STT3B: variants seen among roughly 807,000 people sequenced by gnomAD.
The protein encoded by STT3B is STT3 oligosaccharyltransferase complex catalytic subunit B.
STT3B carries 29 observed loss-of-function variants against 96.8 expected under a neutral mutation model. That is an observed-to-expected ratio of 0.30 (90% CI 0.22 to 0.41). STT3B has a LOEUF of 0.41. Among genes scored for constraint, STT3B ranks in the 10% least tolerant of loss-of-function variants. The pLI is 1.00. For missense variants in STT3B, 640 were observed against 1,022.3 expected (o/e 0.63, Z 5.10); for synonymous variants, 367 against 360.0 (o/e 1.02, Z -0.22).
intron 1 of STT3B, among the ~76,000 whole-genome samples, chr3:31,535,305 A>C (rs1298248644): frequency 6.6e-6 from 1 of 151,538 alleles, no homozygotes; most frequent in Admixed American, 6.6e-5. Flanking sequence ...AAAGTGGCTA[A>C]TATTTTTATT....
intron 1 of STT3B, among the ~76,000 whole-genome samples, chr3:31,572,172 TTA>T (rs1191917424): frequency 2.8e-5 from 4 of 143,350 alleles, no homozygotes; most frequent in Admixed American, 1.4e-4. Context: ...ATATAGCTAA[TTA>T]TATATGAGAT....
chr3:31,540,755 T>A (rs1341054410), intron 1 of STT3B, among the ~76,000 whole-genome samples: 3 of 152,112 alleles, frequency 2.0e-5, no homozygotes, highest in Non-Finnish European at 4.4e-5. Context: ...GTTAAAAAAA[T>A]TAAAATGTAG....
At chr3:31,581,796 T>A (rs1346488602) in intron 3 of STT3B, among the ~76,000 whole-genome samples, 1 of 152,202 alleles carries the variant, frequency 6.6e-6, no homozygotes, top group East Asian at 1.9e-4. Context: ...AACGTTTTAG[T>A]AGAATTCACC....
chr3:31,556,616 G>A (rs1173346283), intron 1 of STT3B, among the ~76,000 whole-genome samples: 1 of 152,132 alleles, frequency 6.6e-6, no homozygotes, highest in Non-Finnish European at 1.5e-5. Context: ...ATACCTAATT[G>A]TGATTTTTAT....
chr3:31,561,298 G>C (rs1343819943), intron 1 of STT3B, among the ~76,000 whole-genome samples: 1 of 150,704 alleles, frequency 6.6e-6, no homozygotes, highest in African/African-American at 2.4e-5. Context: ...AATTTTATGG[G>C]TACATGATAA....
chr3:31,604,131 C>T (rs1180565690), intron 5 of STT3B, among the ~76,000 whole-genome samples: 1 of 152,044 alleles, frequency 6.6e-6, no homozygotes, highest in Non-Finnish European at 1.5e-5. Flanking sequence ...ATGTTTTCTG[C>T]AGTGAGTTGA....
chr3:31,606,407 C>T (rs1393503971), intron 5 of STT3B, among the ~76,000 whole-genome samples: 1 of 152,204 alleles, frequency 6.6e-6, no homozygotes, highest in Non-Finnish European at 1.5e-5. Flanking sequence ...GGGCCAGGCC[C>T]AGGACCCTCC....
intron 8 of STT3B, among the ~76,000 whole-genome samples, chr3:31,619,174 AC>A (rs1213362898): frequency 1.3e-5 from 2 of 152,160 alleles, no homozygotes; most frequent in Non-Finnish European, 2.9e-5. Context: ...CTTGTTGAGC[AC>A]CAACATGATG....
chr3:31,571,187 C>G (rs1698127394), intron 1 of STT3B, among the ~76,000 whole-genome samples: 1 of 151,732 alleles, frequency 6.6e-6, no homozygotes, highest in South Asian at 2.1e-4. Flanking sequence ...ACTGCACTGT[C>G]CAGAGATAAT....
At chr3:31,551,200 T>TG in intron 1 of STT3B, among the ~76,000 whole-genome samples, 1 of 143,160 alleles carries the variant, frequency 7.0e-6, no homozygotes, top group East Asian at 2.0e-4. Context: ...TTTTGGGTGT[T>TG]TTTTGTTTGT....
intron 1 of STT3B, among the ~76,000 whole-genome samples, chr3:31,563,546 A>G (rs1036552642): frequency 2.0e-5 from 3 of 152,214 alleles, no homozygotes; most frequent in Non-Finnish European, 2.9e-5. Context: ...GACCATGGCT[A>G]TGGGGCCACT....
At chr3:31,633,189 G>T in intron 15 of STT3B, 42 bp downstream of exon 15, 1 of 1,545,338 alleles carries the variant, frequency 6.5e-7, no homozygotes, top group Non-Finnish European at 8.8e-7. Context: ...CTTAAGGTGT[G>T]TTGGTTTGTA....
intron 3 of STT3B, among the ~76,000 whole-genome samples, chr3:31,582,330 C>T (rs1698425713): frequency 7.0e-6 from 1 of 142,022 alleles, no homozygotes; most frequent in Non-Finnish European, 1.5e-5. Context: ...CGGAGTCTTG[C>T]TCTGTTGCCC....
At chr3:31,573,569 A>G (rs1698204203) in intron 1 of STT3B, among the ~76,000 whole-genome samples, 1 of 152,206 alleles carries the variant, frequency 6.6e-6, no homozygotes, top group African/African-American at 2.4e-5. Context: ...GATTTCTTCA[A>G]CTTAGGTGGC....
intron 9 of STT3B, among the ~76,000 whole-genome samples, chr3:31,621,858 A>G (rs1431304878): frequency 6.6e-6 from 1 of 152,224 alleles, no homozygotes; most frequent in Non-Finnish European, 1.5e-5. Flanking sequence ...AACTAATTAA[A>G]TTTGAATCAT....
intron 1 of STT3B, among the ~76,000 whole-genome samples, chr3:31,575,459 AT>A (rs1352563436): frequency 6.6e-6 from 1 of 150,674 alleles, no homozygotes; most frequent in Non-Finnish European, 1.5e-5. Context: ...CAAATGCTTG[AT>A]TTTTTTGGGG....
chr3:31,546,726 C>G (rs1412030373), intron 1 of STT3B, among the ~76,000 whole-genome samples: 1 of 152,182 alleles, frequency 6.6e-6, no homozygotes, highest in African/African-American at 2.4e-5. Flanking sequence ...GTTGTTTAGT[C>G]TCACTAATTT....
chr3:31,555,217 C>T (rs1479897264), intron 1 of STT3B, among the ~76,000 whole-genome samples: 1 of 152,176 alleles, frequency 6.6e-6, no homozygotes, highest in Non-Finnish European at 1.5e-5. Context: ...AAATCTAAAA[C>T]TGTGTGGCTG....
At chr3:31,593,957 TC>T (rs1448207927) in intron 3 of STT3B, among the ~76,000 whole-genome samples, 2 of 152,156 alleles carry the variant, frequency 1.3e-5, no homozygotes, top group Admixed American at 1.3e-4. Flanking sequence ...GGTCACACTT[TC>T]TTGTTTCTTT....
Sources: gnomAD v4.1 joint callset for allele counts (sites outside exome capture counted in the v4.1 genomes callset) on GRCh38, gnomAD v4.1.1 for gene constraint, MANE v1.5 for transcripts, NCBI Gene and HGNC (gene_info 2026-07-23, HGNC 2026-07-21) for gene names.